Variants in PRRX2 observed in about 807,000 individuals in gnomAD.
PRRX2 encodes the protein paired related homeobox 2.
PRRX2 carries 11 observed loss-of-function variants against 18.0 expected under a neutral mutation model. That is an observed-to-expected ratio of 0.61 (90% CI 0.39 to 1.01). The LOEUF is 1.01. PRRX2 is among the 50% of genes least tolerant of loss of function. The pLI, the probability that PRRX2 is intolerant of heterozygous loss-of-function variation, is 0.01. For synonymous variants in PRRX2, 177 were observed against 154.8 expected (o/e 1.14, Z -1.06); for missense variants, 387 against 351.0 (o/e 1.10, Z -0.82).
chr9:129,671,430 C>T lies in PRRX2; in HGVS notation c.259+5304C>T, dbSNP rs1832098924. 1.3e-5 allele frequency among the ~76,000 whole-genome samples: 2 copies of T among 152,190 alleles called. No homozygotes were observed. Among genetic ancestry groups the T allele is most frequent in the African/African-American group, 4.8e-5 (2 of 41,458 alleles). On this transcript the variant is annotated intron_variant, in intron 1 of 3. Coordinates refer to ENST00000372469, the MANE Select transcript of PRRX2 (RefSeq NM_016307.4). The surrounding 1 kb of genome is among the most constrained non-coding windows in gnomAD (Gnocchi z 4.0). ...GAGCTTGGGGGCCTGGCACAGGGGG[C>T]TTAGACCGGCTTGCCCTTCTCTGTG...
intron 2 of PRRX2, 95 bp from the exon 3 acceptor site, chr9:129,720,501 C>A (rs1198597473): frequency 2.4e-6 from 3 of 1,260,238 alleles, no homozygotes; most frequent in Non-Finnish European, 3.3e-6. Context: ...ACGCTGCCAG[C>A]CCTGGGCTGG....
rs570416152 is a variant in PRRX2, at chr9:129,715,710, G to C, written c.260-3521G>C. On this transcript the variant is annotated intron_variant, in intron 1 of 3. Transcript: ENST00000372469. The surrounding 1 kb of genome is among the most constrained non-coding windows in gnomAD (Gnocchi z 4.0). ...CACAGGGGCAAAATTGCCCTCGGTT[G>C]AGAAGCAGTGGTCCAAACCCAGCTT... 2.0e-5 allele frequency among the ~76,000 whole-genome samples: 3 copies of C among 151,402 alleles called. No homozygotes were observed. The highest frequency in any genetic ancestry group is 7.3e-5 in the African/African-American group (3 of 41,256).
chr9:129,704,543 C>CGGGAACAGAGAT (rs1044739949), intron 1 of PRRX2, among the ~76,000 whole-genome samples: 2 of 152,136 alleles, frequency 1.3e-5, no homozygotes, highest in African/African-American at 4.8e-5. Flanking sequence ...CCAGGAAACC[C>CGGGAACAGAGAT]GGGAACAGAG....
intron 1 of PRRX2, among the ~76,000 whole-genome samples, chr9:129,684,465 AGAAAAGATAC>A (rs1564147324): frequency 3.6e-4 from 27 of 75,314 alleles, no homozygotes; most frequent in Non-Finnish European, 5.9e-4. Flanking sequence ...CACACCCAAC[AGAAAAGATAC>A]CAGAAATCAC....
chr9:129,686,758 T>G (rs966661721), intron 1 of PRRX2, among the ~76,000 whole-genome samples: 1 of 152,218 alleles, frequency 6.6e-6, no homozygotes, highest in Admixed American at 6.5e-5. Context: ...TCCCTGGTCA[T>G]CTGCAGCCTC....
chr9:129,672,537 C>T (rs1365962665), intron 1 of PRRX2, among the ~76,000 whole-genome samples: 1 of 152,208 alleles, frequency 6.6e-6, no homozygotes, highest in Non-Finnish European at 1.5e-5. Flanking sequence ...GGTGGCCTGA[C>T]CAGGGATGTC....
chr9:129,686,579 C>T (rs1233004291), intron 1 of PRRX2, among the ~76,000 whole-genome samples: 1 of 152,136 alleles, frequency 6.6e-6, no homozygotes, highest in Non-Finnish European at 1.5e-5. Context: ...GTGATTCTCC[C>T]ACCTCAGCCT....
intron 1 of PRRX2, among the ~76,000 whole-genome samples, chr9:129,679,174 C>T (rs1352055448): frequency 6.6e-6 from 1 of 152,104 alleles, no homozygotes; most frequent in African/African-American, 2.4e-5. Flanking sequence ...GACCCAGGAC[C>T]AGGGCTGTGT....
At chr9:129,702,608 T>G (rs1832511759) in intron 1 of PRRX2, among the ~76,000 whole-genome samples, 1 of 152,220 alleles carries the variant, frequency 6.6e-6, no homozygotes, top group African/African-American at 2.4e-5. Flanking sequence ...GCTCCCACGT[T>G]GGACGGTACA....
intron 2 of PRRX2, among the ~76,000 whole-genome samples, chr9:129,720,239 C>G (rs1832771808): frequency 1.3e-5 from 2 of 150,754 alleles, no homozygotes. Context: ...GAGTGCTCAG[C>G]AAGAGCCTCT....
chr9:129,670,618 A>G (rs944664402), intron 1 of PRRX2, among the ~76,000 whole-genome samples: 1 of 151,764 alleles, frequency 6.6e-6, no homozygotes, highest in Non-Finnish European at 1.5e-5. Flanking sequence ...CAGGTGATCC[A>G]CCCGTCTCAG....
intron 1 of PRRX2, among the ~76,000 whole-genome samples, chr9:129,684,532 A>ACACACACACACCCCC (rs1165343797): frequency 1.4e-5 from 2 of 140,372 alleles, no homozygotes; most frequent in Non-Finnish European, 3.0e-5. Flanking sequence ...ACCCACACAC[A>ACACACACACACCCCC]CCCCAACAGA....
At chr9:129,686,756 C>A (rs773732444) in intron 1 of PRRX2, among the ~76,000 whole-genome samples, 1 of 152,242 alleles carries the variant, frequency 6.6e-6, no homozygotes, top group Non-Finnish European at 1.5e-5. Flanking sequence ...GATCCCTGGT[C>A]ATCTGCAGCC....
intron 1 of PRRX2, among the ~76,000 whole-genome samples, chr9:129,699,439 A>ATATG (rs761152729): frequency 3.1e-4 from 45 of 145,606 alleles, no homozygotes; most frequent in East Asian, 1.4e-3. Context: ...AAATATATAT[A>ATATG]TGTGTGTGTG....
At chr9:129,683,981 C>T (rs1021937517) in intron 1 of PRRX2, among the ~76,000 whole-genome samples, 3 of 152,186 alleles carry the variant, frequency 2.0e-5, no homozygotes, top group African/African-American at 4.8e-5. Context: ...TGCAGAGACT[C>T]ACATCCTAAA....
chr9:129,684,482 TCACACACACACACACA>T (rs71385454), intron 1 of PRRX2, among the ~76,000 whole-genome samples: 6 of 43,298 alleles, frequency 1.4e-4, no homozygotes, highest in East Asian at 4.8e-4. Context: ...ATACCAGAAA[TCACACACACACACACA>T]CACACACACA....
intron 1 of PRRX2, among the ~76,000 whole-genome samples, chr9:129,672,647 C>T (rs1378440077): frequency 6.6e-6 from 1 of 152,184 alleles, no homozygotes; most frequent in East Asian, 1.9e-4. Flanking sequence ...TGGGTCATGT[C>T]CCAAGTGTGA....
chr9:129,700,069 A>G (rs1265134892), intron 1 of PRRX2, among the ~76,000 whole-genome samples: 1 of 152,180 alleles, frequency 6.6e-6, no homozygotes, highest in African/African-American at 2.4e-5. Context: ...TAAATATACT[A>G]ATGGCTAACG....
intron 1 of PRRX2, among the ~76,000 whole-genome samples, chr9:129,685,900 T>C (rs1342312672): frequency 1.3e-5 from 2 of 151,994 alleles, no homozygotes; most frequent in Non-Finnish European, 2.9e-5. Context: ...GTTGAGTTAG[T>C]GATGGTGGAG....
Sources: gnomAD v4.1 joint callset for allele counts (sites outside exome capture counted in the v4.1 genomes callset) on GRCh38, gnomAD v4.1.1 for gene constraint, Gnocchi (gnomAD v3.1) non-coding constraint, MANE v1.5 for transcripts, NCBI Gene and HGNC (gene_info 2026-07-23, HGNC 2026-07-21) for gene names.